Variants in PDS5B observed in about 807,000 individuals in gnomAD.
The protein encoded by PDS5B is PDS5 cohesin associated factor B, also known as sister chromatid cohesion protein PDS5 homolog B.
In PDS5B, 51 loss-of-function variants were observed where a neutral mutation model predicts 184.1. That is an observed-to-expected ratio of 0.28 (90% confidence interval 0.22 to 0.35). The LOEUF (loss-of-function observed/expected upper bound fraction) is 0.35. Among genes scored for constraint, PDS5B ranks in the 10% least tolerant of loss-of-function variants. The pLI, the probability that PDS5B is intolerant of heterozygous loss-of-function variation, is 1.00. For synonymous variants in PDS5B, 566 were observed against 569.2 expected (o/e 0.99, Z 0.08); for missense variants, 1,180 against 1,723.3 (o/e 0.68, Z 5.58).
chr13:32,587,295 C>G (rs1240787836), intron 1 of PDS5B, among the ~76,000 whole-genome samples: 3 of 152,012 alleles, frequency 2.0e-5, no homozygotes, highest in Non-Finnish European at 2.9e-5. Context: ...CGCGCCACCC[C>G]GAGTGGTCCC....
chr13:32,701,962 T>G (rs762947257), intron 17 of PDS5B, among the ~76,000 whole-genome samples: 3 of 152,116 alleles, frequency 2.0e-5, no homozygotes, highest in Non-Finnish European at 2.9e-5. Flanking sequence ...TGGAAACATT[T>G]CTTTTTATCT....
Position 32,632,123 on chromosome 13 carries a change from T to C in PDS5B, c.-19-16631T>C, listed in dbSNP as rs115726541. Among the ~76,000 whole-genome samples the C allele has an allele frequency of 9.3e-3, 1,421 of 152,300 alleles. 23 individuals carry two copies. Among genetic ancestry groups the C allele is most frequent in the African/African-American group, 0.031 (1,309 of 41,562 alleles). The stretch of plus-strand genomic sequence containing the variant: ...GCCTGTATACTTTTAGAAGAAAATA[T>C]GGGAGTAGAATTTTATGAACCTGAA... On this transcript the variant is annotated intron_variant, in intron 1 of 34. Transcript: ENST00000315596.
chr13:32,736,056 T>C (rs1352608037), intron 21 of PDS5B, among the ~76,000 whole-genome samples: 8 of 152,168 alleles, frequency 5.3e-5, no homozygotes, highest in South Asian at 2.1e-4. Context: ...TTTGGACTTA[T>C]TAAAGGCCAG....
chr13:32,737,762 A>G (rs1953391211), intron 21 of PDS5B, among the ~76,000 whole-genome samples: 1 of 152,238 alleles, frequency 6.6e-6, no homozygotes, highest in Non-Finnish European at 1.5e-5. Flanking sequence ...AATATATGTA[A>G]CATTTGTATA....
chr13:32,601,277 C>T (rs1339004852), intron 1 of PDS5B, among the ~76,000 whole-genome samples: 1 of 152,162 alleles, frequency 6.6e-6, no homozygotes. Flanking sequence ...TTGCTGAATT[C>T]TATTCCACCA....
At chr13:32,689,713 G>A (rs181882408) in intron 13 of PDS5B, 2 of 152,152 alleles carry the variant, frequency 1.3e-5, no homozygotes, top group East Asian at 1.9e-4. Flanking sequence ...TCCACTACAC[G>A]TAGTAAAATA....
chr13:32,658,382 A>G, intron 4 of PDS5B, 52 bp from the exon 5 acceptor site: 1 of 1,421,072 alleles, frequency 7.0e-7, no homozygotes, highest in Non-Finnish European at 9.8e-7. Context: ...TTGTTTGTAT[A>G]TTTTTAATAA....
rs1432873215 is a variant in PDS5B, at chr13:32,741,569, G to C, written c.2475+421G>C. ...TTGCTCATCATTGGTATAGACTCTT[G>C]ATTTATTAAAACCATCTATGGCCTG... On this transcript the variant is annotated intron_variant, in intron 22 of 34. Coordinates refer to ENST00000315596, the MANE Select transcript of PDS5B (RefSeq NM_015032.4). Among the ~76,000 whole-genome samples, 3 of 152,136 alleles carry C rather than the reference G, an allele frequency of 2.0e-5. No individual in the cohort carries two copies. The East Asian group carries it at 5.8e-4, about 29-fold the overall frequency.
At chr13:32,685,792 C>T (rs1366495468) in intron 11 of PDS5B, among the ~76,000 whole-genome samples, 2 of 151,936 alleles carry the variant, frequency 1.3e-5, no homozygotes, top group African/African-American at 4.8e-5. Context: ...ACAGGCACAT[C>T]CCACTATGCC....
At chr13:32,622,467 A>G (rs1292533393) in intron 1 of PDS5B, among the ~76,000 whole-genome samples, 1 of 152,120 alleles carries the variant, frequency 6.6e-6, no homozygotes, top group Non-Finnish European at 1.5e-5. Context: ...GATTGTCATT[A>G]GTTTTTGTAA....
At chr13:32,685,777 G>A (rs1951368974) in intron 11 of PDS5B, among the ~76,000 whole-genome samples, 1 of 152,224 alleles carries the variant, frequency 6.6e-6, no homozygotes, top group African/African-American at 2.4e-5. Flanking sequence ...TGAGTAGGTG[G>A]TACTACAGGC....
At chr13:32,746,989 T>G (rs1953767519) in intron 24 of PDS5B, among the ~76,000 whole-genome samples, 1 of 152,210 alleles carries the variant, frequency 6.6e-6, no homozygotes, top group Non-Finnish European at 1.5e-5. Context: ...GTATCGAAAT[T>G]TATACTTTTA....
At chr13:32,669,358 G>T (rs1449548598) in intron 7 of PDS5B, among the ~76,000 whole-genome samples, 2 of 150,970 alleles carry the variant, frequency 1.3e-5, no homozygotes, top group East Asian at 3.9e-4. Flanking sequence ...AATAAGAAAA[G>T]AACGCTATAC....
chr13:32,768,937 T>TA (rs1272071625), intron 31 of PDS5B, among the ~76,000 whole-genome samples: 3 of 53,598 alleles, frequency 5.6e-5, no homozygotes, highest in Non-Finnish European at 1.1e-4. Flanking sequence ...CCGTCTCTAC[T>TA]AAAAAAATAC....
At chr13:32,615,062 C>T (rs1280971040) in intron 1 of PDS5B, among the ~76,000 whole-genome samples, 1 of 152,154 alleles carries the variant, frequency 6.6e-6, no homozygotes, top group Non-Finnish European at 1.5e-5. Flanking sequence ...GACAACATCA[C>T]CGACACCACA....
chr13:32,630,817 C>T (rs1281232800), intron 1 of PDS5B, among the ~76,000 whole-genome samples: 1 of 148,344 alleles, frequency 6.7e-6, no homozygotes, highest in Non-Finnish European at 1.5e-5. Flanking sequence ...GACGGAGTCT[C>T]ACTTCTGTCC....
rs778379535 is a variant in PDS5B at position 32,675,919 on chromosome 13, G to C, written c.922G>C (p.Ala308Pro). The change falls in exon 9 of 35, where the codon GCT becomes CCT. Residue 308 changes from alanine to proline, a missense_variant. By Grantham distance (27) the Ala-to-Pro change is conservative. Coordinates refer to ENST00000315596, the MANE Select transcript of PDS5B (RefSeq NM_015032.4). ...GTTTGGGGCAAAGGATTCAGAATTG[G>C]CTTCTCAAAACAAGCCACTTTGGCA... Reference protein sequence around the residue: ...KMFGAKDSELASQNKPLWQCY... With the variant: ...KMFGAKDSELPSQNKPLWQCY... 3.1e-6 allele frequency: 5 copies of C among 1,613,794 alleles called. No homozygotes were observed. The highest frequency in any genetic ancestry group is 4.2e-6 in the Non-Finnish European group (5 of 1,179,778).
At chr13:32,679,980 C>G (rs1951192703) in intron 10 of PDS5B, among the ~76,000 whole-genome samples, 1 of 151,142 alleles carries the variant, frequency 6.6e-6, no homozygotes, top group African/African-American at 2.4e-5. Flanking sequence ...CTTTAGCATC[C>G]TTTTCTTGTG....
intron 11 of PDS5B, among the ~76,000 whole-genome samples, chr13:32,685,199 T>C (rs1951350921): frequency 6.6e-6 from 1 of 152,194 alleles, no homozygotes; most frequent in South Asian, 2.1e-4. Context: ...GGAGGATAAA[T>C]GGGCAAGAAG....
Sources: allele counts gnomAD v4.1 joint callset (sites outside exome capture counted in the v4.1 genomes callset), GRCh38; gene constraint gnomAD v4.1.1; transcripts MANE v1.5; gene names NCBI Gene and HGNC (gene_info 2026-07-23, HGNC 2026-07-21).